Variants in ASAP1 observed in about 807,000 individuals in gnomAD.
ASAP1 encodes the protein arf-GAP with SH3 domain, ANK repeat and PH domain-containing protein 1.
A neutral mutation model predicts 145.2 loss-of-function variants in ASAP1; 43 were observed. The observed-to-expected ratio is 0.30, with a 90% CI of 0.23 to 0.38. The LOEUF (loss-of-function observed/expected upper bound fraction) is 0.38, where lower values mean the gene tolerates loss of function less well. Ranked by LOEUF, ASAP1 falls within the 10% of genes least tolerant of loss-of-function variation. The pLI is 1.00. For synonymous variants in ASAP1, 546 were observed against 515.5 expected, an observed-to-expected ratio of 1.06 and a Z score of -0.80; for missense variants, 1,018 against 1,355.3, an observed-to-expected ratio of 0.75 and a Z score of 3.91.
chr8:130,188,710 TGA>T (rs1193344507), intron 5 of ASAP1, among the ~76,000 whole-genome samples: 2 of 117,386 alleles, frequency 1.7e-5, no homozygotes, highest in Non-Finnish European at 3.3e-5. Context: ...CCAGCCTGAG[TGA>T]GAGACTCTCT....
chr8:130,437,447 G>A (rs562069915), intron 1 of ASAP1, among the ~76,000 whole-genome samples: 1 of 152,218 alleles, frequency 6.6e-6, no homozygotes, highest in African/African-American at 2.4e-5. Context: ...GTGCAAAAGA[G>A]AAGGACAGGT....
intron 4 of ASAP1, among the ~76,000 whole-genome samples, chr8:130,229,689 C>G (rs1354109413): frequency 1.3e-5 from 2 of 152,162 alleles, no homozygotes; most frequent in African/African-American, 2.4e-5. Context: ...CAGAGAAATA[C>G]ATTTTTATAT....
chr8:130,078,347 T>C (rs1225332401), intron 26 of ASAP1, among the ~76,000 whole-genome samples: 3 of 151,576 alleles, frequency 2.0e-5, no homozygotes, highest in African/African-American at 7.3e-5. Flanking sequence ...CCGGATGGAG[T>C]GCAGAGGTGC....
intron 15 of ASAP1, among the ~76,000 whole-genome samples, chr8:130,131,868 A>G (rs2097583677): frequency 6.6e-6 from 1 of 152,192 alleles, no homozygotes; most frequent in Admixed American, 6.5e-5. Context: ...TTTTACTGAA[A>G]AATGTTAAGT....
intron 3 of ASAP1, among the ~76,000 whole-genome samples, chr8:130,322,662 C>T (rs944497631): frequency 1.3e-5 from 2 of 152,160 alleles, no homozygotes; most frequent in Non-Finnish European, 2.9e-5. Context: ...TTCGATTCAA[C>T]AAATATTCAT....
intron 1 of ASAP1, among the ~76,000 whole-genome samples, chr8:130,404,722 T>C (rs961635379): frequency 2.6e-5 from 4 of 152,218 alleles, no homozygotes; most frequent in African/African-American, 9.6e-5. Context: ...TGGGACTTTG[T>C]AGTACTTCCC....
intron 24 of ASAP1, among the ~76,000 whole-genome samples, chr8:130,101,682 A>G (rs1436791855): frequency 6.8e-6 from 1 of 147,264 alleles, no homozygotes; most frequent in African/African-American, 2.5e-5. Context: ...TTTTCACCTC[A>G]GCCTCCCTAC....
At chr8:130,184,437 A>C (rs4733774) in intron 7 of ASAP1, among the ~76,000 whole-genome samples, 33,695 of 152,156 alleles carry the variant, frequency 0.22, 4,005 homozygotes, top group South Asian at 0.36. Context: ...GGCAGGCAGA[A>C]GGCCACTGTG....
chr8:130,238,518 C>T (rs1197716052), intron 3 of ASAP1, among the ~76,000 whole-genome samples: 1 of 152,120 alleles, frequency 6.6e-6, no homozygotes, highest in Non-Finnish European at 1.5e-5. Flanking sequence ...CTGTCACTTG[C>T]AACCACAGGT....
intron 27 of ASAP1, among the ~76,000 whole-genome samples, chr8:130,072,830 C>CGCGCCCGCGCGG: frequency 6.3e-5 from 2 of 31,930 alleles, no homozygotes; most frequent in South Asian, 2.2e-3. Flanking sequence ...TGTGTGCGCG[C>CGCGCCCGCGCGG]GGGGGGGGGC....
intron 1 of ASAP1, among the ~76,000 whole-genome samples, chr8:130,421,908 A>G (rs1212821259): frequency 6.6e-6 from 1 of 152,238 alleles, no homozygotes; most frequent in East Asian, 1.9e-4. Flanking sequence ...AATACCTACT[A>G]TGTGAGAAAT....
chr8:130,325,084 A>C (rs1211698078), intron 3 of ASAP1, among the ~76,000 whole-genome samples: 1 of 152,170 alleles, frequency 6.6e-6, no homozygotes, highest in Non-Finnish European at 1.5e-5. Context: ...TTAGGGACCA[A>C]AATTCCACTG....
At chr8:130,312,265 G>C (rs1286562644) in intron 3 of ASAP1, among the ~76,000 whole-genome samples, 2 of 149,410 alleles carry the variant, frequency 1.3e-5, no homozygotes, top group African/African-American at 2.5e-5. Flanking sequence ...TGACAGAGTA[G>C]GACCCTGTCT....
chr8:130,419,620 C>T (rs1054925682), intron 1 of ASAP1, among the ~76,000 whole-genome samples: 5 of 152,140 alleles, frequency 3.3e-5, no homozygotes, highest in Non-Finnish European at 7.3e-5. Flanking sequence ...CTCTGCACCC[C>T]AAATTGACCT....
At chr8:130,419,475 C>T (rs987611552) in intron 1 of ASAP1, among the ~76,000 whole-genome samples, 19 of 152,150 alleles carry the variant, frequency 1.2e-4, no homozygotes, top group South Asian at 4.1e-4. Flanking sequence ...AAGCTAAAAA[C>T]GGCTGCAGCC....
At chr8:130,081,817 C>T (rs955814430) in intron 25 of ASAP1, among the ~76,000 whole-genome samples, 3 of 152,182 alleles carry the variant, frequency 2.0e-5, no homozygotes, top group African/African-American at 7.2e-5. Context: ...CATCAAGACG[C>T]CCTGATAGTA....
intron 3 of ASAP1, among the ~76,000 whole-genome samples, chr8:130,316,804 C>T (rs892337633): frequency 3.9e-5 from 6 of 152,218 alleles, no homozygotes; most frequent in African/African-American, 7.2e-5. Flanking sequence ...AATAAACTAT[C>T]GCATTTAAGC....
In ASAP1 at chr8:130,262,417, AGAGAGAGAG is replaced by A. The variant is rs1339671527; in HGVS notation, c.187-25432_187-25424del. On this transcript the variant is annotated intron_variant, in intron 3 of 29. Coordinates refer to ENST00000518721, the MANE Select transcript of ASAP1 (RefSeq NM_018482.4). ...CAAAAAAAAAAAAAAAAAAAAAAAA[AGAGAGAGAG>A]AGAGAGAGAGAGAGAGAGAGAGAGA... is the stretch of plus-strand genomic sequence containing the variant. Among the ~76,000 whole-genome samples the A allele has an allele frequency of 1.9e-3, 61 of 32,972 alleles. 2 individuals are homozygous for A. Among genetic ancestry groups the A allele is most frequent in the African/African-American group, 6.5e-3 (48 of 7,398 alleles). 21.6% of individuals were successfully genotyped at this position (32,972 alleles called of 152,430 possible).
chr8:130,337,384 T>C (rs1395832345), intron 3 of ASAP1, among the ~76,000 whole-genome samples: 2 of 152,196 alleles, frequency 1.3e-5, no homozygotes, highest in African/African-American at 4.8e-5. Context: ...TGATTCCTCA[T>C]TGATAATCAA....
Sources: gnomAD v4.1 joint callset for allele counts (sites outside exome capture counted in the v4.1 genomes callset) on GRCh38, gnomAD v4.1.1 for gene constraint, MANE v1.5 for transcripts, NCBI Gene and HGNC (gene_info 2026-07-23, HGNC 2026-07-21) for gene names.